AKAP10: variants seen among roughly 807,000 people sequenced by gnomAD.
AKAP10 encodes A-kinase anchor protein 10, mitochondrial.
In AKAP10, 24 loss-of-function variants were observed where a neutral mutation model predicts 80.8. The observed-to-expected ratio is 0.30, with a 90% CI of 0.22 to 0.42. The LOEUF (loss-of-function observed/expected upper bound fraction) is 0.42. Among genes scored for constraint, AKAP10 ranks in the 10% least tolerant of loss-of-function variants. AKAP10 has a pLI of 1.00. For missense variants in AKAP10, 661 were observed against 794.9 expected, an observed-to-expected ratio of 0.83 and a Z score of 2.03; for synonymous variants, 291 against 277.7, an observed-to-expected ratio of 1.05 and a Z score of -0.48.
intron 10 of AKAP10, among the ~76,000 whole-genome samples, chr17:19,928,860 A>T (rs898277529): frequency 5.9e-5 from 9 of 152,144 alleles, no homozygotes; most frequent in African/African-American, 9.7e-5. Flanking sequence ...ACAGAGCAAG[A>T]CTCCACCTCA....
chr17:19,916,145 C>A (rs548499331), intron 12 of AKAP10, among the ~76,000 whole-genome samples: 1 of 152,216 alleles, frequency 6.6e-6, no homozygotes, highest in African/African-American at 2.4e-5. Flanking sequence ...CTTACGCCCC[C>A]GCTGCGCTCA....
At chr17:19,923,899 G>C (rs1199578664) in intron 11 of AKAP10, among the ~76,000 whole-genome samples, 1 of 152,112 alleles carries the variant, frequency 6.6e-6, no homozygotes, top group Non-Finnish European at 1.5e-5. Flanking sequence ...TGGGAACTGG[G>C]GTACGGATCA....
chr17:19,970,039 C>T (rs547839258), intron 1 of AKAP10, among the ~76,000 whole-genome samples: 24 of 152,272 alleles, frequency 1.6e-4, no homozygotes, highest in Admixed American at 9.2e-4. Context: ...ACCATAGATA[C>T]GCTGTTACTC....
At chr17:19,925,128 C>T (rs2042862902) in intron 10 of AKAP10, among the ~76,000 whole-genome samples, 1 of 152,106 alleles carries the variant, frequency 6.6e-6, no homozygotes, top group Admixed American at 6.6e-5. Flanking sequence ...TGTACCACTG[C>T]ACGCTGGCCT....
chr17:19,913,160 T>G (rs545226711), intron 12 of AKAP10, among the ~76,000 whole-genome samples: 38 of 149,376 alleles, frequency 2.5e-4, no homozygotes, highest in Admixed American at 7.4e-4. Context: ...ATTGTTTTTT[T>G]TTTTTTTTTT....
intron 5 of AKAP10, among the ~76,000 whole-genome samples, chr17:19,942,935 T>C (rs2043064888): frequency 6.6e-6 from 1 of 152,106 alleles, no homozygotes; most frequent in South Asian, 2.1e-4. Context: ...AGGTCTCACT[T>C]TGTCACCCAA....
At chr17:19,946,816 CA>C (rs953488521) in intron 5 of AKAP10, among the ~76,000 whole-genome samples, 6 of 151,776 alleles carry the variant, frequency 4.0e-5, no homozygotes, top group Admixed American at 2.6e-4. Context: ...AATCAACTGG[CA>C]AAAAAAGGCA....
Position 19,958,504 on chromosome 17 carries a change from G to C in AKAP10, c.387C>G (p.Val129=). ...AAGGGAGGACAATAGTGTCGTGCAA[G>C]ACTTGTTCAAGGGTCTTAGAAAGGC... ...KSSLSKTLEQ[V]LHDTIVLPYF... is the part of the protein sequence containing the mutation. The change falls in exon 4 of 15, where the codon GTC becomes GTG. Residue 129 remains valine, a synonymous_variant. Coordinates refer to ENST00000225737, the MANE Select transcript of AKAP10 (RefSeq NM_007202.4). 1 of 1,612,574 alleles carries C rather than the reference G, an allele frequency of 6.2e-7. No individual in the cohort carries two copies. The highest frequency in any genetic ancestry group is 8.5e-7 in the Non-Finnish European group (1 of 1,180,032).
chr17:19,946,250 TATA>T (rs1567765672), intron 5 of AKAP10, among the ~76,000 whole-genome samples: 3 of 20,086 alleles, frequency 1.5e-4, no homozygotes, highest in African/African-American at 6.6e-4. Context: ...TATATATATA[TATA>T]TATATATATA....
chr17:19,917,510 C>T (rs975513153), intron 12 of AKAP10, among the ~76,000 whole-genome samples: 17 of 152,130 alleles, frequency 1.1e-4, no homozygotes, highest in African/African-American at 4.1e-4. Context: ...TGCTCCATTA[C>T]CTAGGTGGAA....
chr17:19,935,609 TTTTAA>T (rs1309715681), intron 9 of AKAP10, among the ~76,000 whole-genome samples: 1 of 149,408 alleles, frequency 6.7e-6, no homozygotes, highest in Non-Finnish European at 1.5e-5. Flanking sequence ...TTTTTTCTAT[TTTTAA>T]TTTTTTTTTT....
intron 4 of AKAP10, among the ~76,000 whole-genome samples, chr17:19,951,277 T>TG (rs1354491702): frequency 7.4e-6 from 1 of 135,864 alleles, no homozygotes; most frequent in Admixed American, 7.3e-5. Flanking sequence ...GGGAGGGAGG[T>TG]GGGGGGCGCC....
chr17:19,952,309 C>CA (rs2043224638), intron 4 of AKAP10, among the ~76,000 whole-genome samples: 3 of 151,496 alleles, frequency 2.0e-5, no homozygotes, highest in Admixed American at 6.6e-5. Flanking sequence ...ACTAAAAATA[C>CA]AAAAAATCAG....
chr17:19,977,667 C>G lies in AKAP10; in HGVS notation c.13G>C (p.Gly5Arg), dbSNP rs542911618. The G allele has an allele frequency of 8.1e-7, 1 of 1,235,074 alleles. No homozygotes were observed. 76.5% of individuals were successfully genotyped at this position (1,235,074 alleles called of 1,614,324 possible). The change falls in exon 1 of 15, where the codon GGG becomes CGG. Residue 5 changes from glycine to arginine, a missense_variant. Coordinates refer to ENST00000225737, the MANE Select transcript of AKAP10 (RefSeq NM_007202.4). MRGA[G>R]PSPRQSPRTL... is the part of the protein sequence containing the mutation. ...CGGGGGGACTGGCGCGGGGAGGGCC[C>G]GGCTCCCCTCATTCAGCAACCGGCC...
intron 4 of AKAP10, among the ~76,000 whole-genome samples, chr17:19,955,122 T>G (rs2043259335): frequency 6.6e-6 from 1 of 151,492 alleles, no homozygotes. Context: ...CTAGGGAGGC[T>G]AAGGCAGGAG....
intron 1 of AKAP10, among the ~76,000 whole-genome samples, chr17:19,974,147 C>T (rs144850292): frequency 0.012 from 1,876 of 151,986 alleles, 21 homozygotes; most frequent in Non-Finnish European, 0.019. Flanking sequence ...AGCCAAGATC[C>T]GCCACTGCAC....
chr17:19,951,190 T>A (rs1001415159), intron 4 of AKAP10, among the ~76,000 whole-genome samples: 1 of 84,840 alleles, frequency 1.2e-5, no homozygotes, highest in African/African-American at 4.5e-5. Flanking sequence ...AGGTGGGGGG[T>A]CAGCCCCCGC....
chr17:19,939,947 G>C, intron 7 of AKAP10, 98 bp from the exon 8 acceptor site: 1 of 1,323,226 alleles, frequency 7.6e-7, no homozygotes, highest in Non-Finnish European at 1.0e-6. Context: ...CAGGTCATAA[G>C]CAAAAAACAA....
At position 19,957,304 on chromosome 17, in the gene AKAP10, G is replaced by A. The variant is rs2043288597; in HGVS notation, c.877+710C>T. Among the ~76,000 whole-genome samples the A allele has an allele frequency of 2.0e-5, 3 of 152,088 alleles. No homozygotes were observed. In the South Asian group the frequency reaches 6.2e-4, roughly 32 times the overall value. On this transcript the variant is annotated intron_variant, in intron 4 of 14. Transcript: ENST00000225737. Reference sequence around the variant, plus strand: ...TGCCTGTAATCCCAGCACTTTGGGAGGCCGAGGCAGGCGGATCACAAAGTC... The same window carrying A: ...TGCCTGTAATCCCAGCACTTTGGGAAGCCGAGGCAGGCGGATCACAAAGTC...
Sources: gnomAD v4.1 joint callset for allele counts (sites outside exome capture counted in the v4.1 genomes callset) on GRCh38, gnomAD v4.1.1 for gene constraint, MANE v1.5 for transcripts, NCBI Gene and HGNC (gene_info 2026-07-23, HGNC 2026-07-21) for gene names.